Variants in OAS1 observed in about 807,000 individuals in gnomAD.
The protein encoded by OAS1 is 2'-5'-oligoadenylate synthetase 1, also known as 2'-5'-oligoadenylate synthase 1.
Under a neutral mutation model 38.5 loss-of-function variants are expected in OAS1, and 24 were observed. That is an observed-to-expected ratio of 0.62 (90% CI 0.45 to 0.88). OAS1 has a LOEUF of 0.88. OAS1 is among the 40% of genes least tolerant of loss of function. The pLI, the probability that OAS1 is intolerant of heterozygous loss-of-function variation, is 0.00. For synonymous variants in OAS1, 169 were observed against 193.9 expected (o/e 0.87, Z 1.07); for missense variants, 482 against 493.9 (o/e 0.98, Z 0.23).
At chr12:112,925,660 C>T (rs1341997258) in intron 6 of OAS1, among the ~76,000 whole-genome samples, 1 of 152,094 alleles carries the variant, frequency 6.6e-6, no homozygotes, top group Non-Finnish European at 1.5e-5. Flanking sequence ...GTGGCTCATG[C>T]CTGTAGTCCC....
chr12:112,918,320 T>C (rs184688433), intron 5 of OAS1: 35 of 189,706 alleles, frequency 1.8e-4, no homozygotes, highest in Non-Finnish European at 3.2e-4. Flanking sequence ...GCAACCATGA[T>C]TTCATTCTTT....
At chr12:112,915,799 G>A (rs922097209) in intron 3 of OAS1, among the ~76,000 whole-genome samples, 2 of 152,104 alleles carry the variant, frequency 1.3e-5, no homozygotes, top group African/African-American at 2.4e-5. Flanking sequence ...TTTTCTTTCA[G>A]CAATGTTTTG....
rs191876047 is a variant in OAS1, at chr12:112,930,280, C to T, written c.1168-1598C>T. On this transcript the variant is annotated intron_variant, in intron 6 of 6. Coordinates refer to the OAS1 transcript ENST00000540589. ...CTGTAAAGCCTGCAGAACCATGAGC[C>T]GATTAAACCTCTTTTTCTTTATAAA... 9.1e-4 allele frequency among the ~76,000 whole-genome samples: 138 copies of T among 152,244 alleles called. 1 individual carries two copies. The highest frequency in any genetic ancestry group is 1.1e-3 in the Non-Finnish European group (73 of 68,028).
At chr12:112,917,012 A>C (rs1250900307) in intron 4 of OAS1, 5 of 429,460 alleles carry the variant, frequency 1.2e-5, no homozygotes, top group Non-Finnish European at 2.1e-5. Context: ...AATGAGTAAA[A>C]TAGCTGCAGT....
At chr12:112,927,933 C>T (rs2043570417) in intron 6 of OAS1, among the ~76,000 whole-genome samples, 1 of 152,184 alleles carries the variant, frequency 6.6e-6, no homozygotes, top group African/African-American at 2.4e-5. Flanking sequence ...AATCCTATGA[C>T]TTGAAGACCA....
intron 2 of OAS1, among the ~76,000 whole-genome samples, chr12:112,909,996 A>AG (rs1164085185): frequency 1.3e-5 from 2 of 152,170 alleles, no homozygotes; most frequent in Non-Finnish European, 2.9e-5. Flanking sequence ...CAAAGACACC[A>AG]GGGTATGAGA....
Position 112,908,787 on chromosome 12 carries a change from G to A in OAS1, c.432G>A (p.Gly144=), listed in dbSNP as rs1478940131. The A allele has an allele frequency of 1.2e-6, 2 of 1,607,232 alleles. No individual in the cohort carries two copies. Among genetic ancestry groups the A allele is most frequent in the East Asian group, 2.2e-5 (1 of 44,654 alleles). Residue 144 remains glycine, a synonymous_variant, in exon 2 of 6, where the codon GGG becomes GGA. Transcript: ENST00000202917. ...FVLSSLQLGE[G]VEFDVLPAFD... is the part of the protein sequence containing the mutation. ...TGAGTTCGCTCCAGCTCGGGGAGGG[G>A]GTGGAGTTCGATGTGCTGCCTGCCT...
chr12:112,922,652 C>T (rs760451233), downstream of OAS1, among the ~76,000 whole-genome samples: 4 of 152,202 alleles, frequency 2.6e-5, no homozygotes, highest in Non-Finnish European at 5.9e-5. Flanking sequence ...TCCACACATT[C>T]CTTATGGCCT....
downstream of OAS1, among the ~76,000 whole-genome samples, chr12:112,920,750 T>C (rs909951478): frequency 1.3e-5 from 2 of 152,238 alleles, no homozygotes; most frequent in East Asian, 1.9e-4. Context: ...CCTGAGTTGC[T>C]GGTCACTTTT....
chr12:112,929,988 T>C (rs2043587519), intron 6 of OAS1, among the ~76,000 whole-genome samples: 1 of 152,166 alleles, frequency 6.6e-6, no homozygotes, highest in Non-Finnish European at 1.5e-5. Flanking sequence ...ATCCCCAGTG[T>C]TGGAGGTGGG....
In OAS1 at chr12:112,919,372, G is replaced by A. The variant is rs2043508635; in HGVS notation, c.1039-17G>A. On this transcript the variant is annotated splice_polypyrimidine_tract_variant and intron_variant, in intron 5 of 5. Coordinates refer to ENST00000202917, the MANE Select transcript of OAS1 (RefSeq NM_016816.4). The stretch of plus-strand genomic sequence containing the variant: ...CAGGAAGACTCCCTGATGTGATCAT[G>A]TGTCTCACCCTTTCAGGCTGAAAGC... The A allele has an allele frequency of 1.2e-6, 2 of 1,602,928 alleles. No individual in the cohort carries two copies. Among genetic ancestry groups the A allele is most frequent in the Admixed American group, 1.7e-5 (1 of 59,640 alleles).
At chr12:112,932,128 T>G in exon 7 of OAS1, 1 of 528,308 alleles carries the variant, frequency 1.9e-6, no homozygotes, top group South Asian at 2.7e-5. Context: ...TGAATACATG[T>G]GAACTCCCTC....
intron 6 of OAS1, among the ~76,000 whole-genome samples, chr12:112,927,709 G>T (rs1400577369): frequency 1.3e-5 from 2 of 152,142 alleles, no homozygotes; most frequent in African/African-American, 4.8e-5. Flanking sequence ...GCATGACTCA[G>T]ATGCAATATA....
rs7968145 is a variant in OAS1 at position 112,931,839 on chromosome 12, C to T, written c.1168-39C>T. On this transcript the variant is annotated intron_variant, in intron 6 of 6. Transcript: ENST00000540589. ...ATGCTCTCTGGGCAGACAGGCTCCT[C>T]AATATGAGAGTGACACACACTCCTT... The T allele has an allele frequency of 0.95, 652,571 of 686,196 alleles. 310,547 individuals carry two copies. Among genetic ancestry groups the T allele is most frequent in the East Asian group, 1 (36,780 of 36,782 alleles). 42.5% of individuals were successfully genotyped at this position (686,196 alleles called of 1,614,324 possible).
intron 2 of OAS1, among the ~76,000 whole-genome samples, 169 bp from the exon 3 acceptor site, chr12:112,910,882 C>T (rs1471309904): frequency 1.3e-5 from 2 of 151,968 alleles, no homozygotes; most frequent in African/African-American, 2.4e-5. Flanking sequence ...GGGGTGATGG[C>T]AGTGGAGAGG....
At position 112,919,685 on chromosome 12, in the gene OAS1, G is replaced by T; in HGVS notation, c.*132G>T. 1.3e-6 allele frequency: 2 copies of T among 1,557,120 alleles called. No homozygotes were observed. Among genetic ancestry groups the T allele is most frequent in the Non-Finnish European group, 1.7e-6 (2 of 1,148,648 alleles). ...GTGTATAATCCAGGACAGAACCCAG[G>T]TCTCCTGACTCCTGGCCTTCTATGC... On this transcript the variant is annotated 3_prime_UTR_variant, in exon 6 of 6. Coordinates refer to ENST00000202917, the MANE Select transcript of OAS1 (RefSeq NM_016816.4).
intron 6 of OAS1, among the ~76,000 whole-genome samples, chr12:112,930,507 C>A (rs773671631): frequency 2.6e-5 from 4 of 152,154 alleles, no homozygotes; most frequent in Non-Finnish European, 5.9e-5. Context: ...TGGGACACAC[C>A]CTAGGGAGCT....
chr12:112,927,346 A>G (rs929266186), intron 6 of OAS1, among the ~76,000 whole-genome samples: 6 of 152,154 alleles, frequency 3.9e-5, no homozygotes, highest in Admixed American at 1.3e-4. Context: ...ACTTCCCACA[A>G]CATCACTGTA....
In OAS1 at chr12:112,911,252, A is replaced by G; in HGVS notation, c.654+17A>G. ...TACCAAAATGTATGGCCCTCCCACC[A>G]GGCCTGGTGGGTCCTGTCTCGACTG... On this transcript the variant is annotated intron_variant, in intron 3 of 5. Transcript: ENST00000202917. 1 of 1,406,284 alleles carries G rather than the reference A, an allele frequency of 7.1e-7. No homozygotes were observed. Among genetic ancestry groups the G allele is most frequent in the Non-Finnish European group, 9.5e-7 (1 of 1,048,998 alleles). The allele number at this position is 1,406,284 out of a possible 1,614,324, so 87.1% of individuals were successfully genotyped here. A position where few individuals can be genotyped will look rare whatever the true frequency, so the allele number is the denominator to read the frequency against.
Sources: gnomAD v4.1 joint callset for allele counts (sites outside exome capture counted in the v4.1 genomes callset) on GRCh38, gnomAD v4.1.1 for gene constraint, MANE v1.5 for transcripts, NCBI Gene and HGNC (gene_info 2026-07-23, HGNC 2026-07-21) for gene names.